Variants in ZNF283 observed in about 807,000 individuals in gnomAD.
ZNF283 encodes zinc finger protein 41.
In ZNF283, 10 loss-of-function variants were observed where a neutral mutation model predicts 9.2. The ratio of observed to expected loss-of-function variants is 1.09; its 90% CI spans 0.67 to 1.85. The LOEUF (loss-of-function observed/expected upper bound fraction) is 1.85. Ranked by LOEUF, ZNF283 falls within the 40% of genes most tolerant of loss-of-function variation. The pLI is 0.00. For synonymous variants in ZNF283, 234 were observed against 244.1 expected, an observed-to-expected ratio of 0.96 and a Z score of 0.38; for missense variants, 631 against 760.1, an observed-to-expected ratio of 0.83 and a Z score of 2.00.
intron 5 of ZNF283, 108 bp from the exon 6 acceptor site, chr19:43,836,945 A>T: frequency 8.0e-7 from 1 of 1,246,280 alleles, no homozygotes; most frequent in Non-Finnish European, 1.1e-6. Flanking sequence ...AGCCTACTCG[A>T]TTGTTATATT....
intron 1 of ZNF283, 80 bp downstream of exon 1, chr19:43,827,524 G>A (rs1970527069): frequency 6.8e-6 from 1 of 148,090 alleles, no homozygotes; most frequent in Non-Finnish European, 1.5e-5. Context: ...GGCCCGACTG[G>A]AACCGGCAGT....
At chr19:43,832,763 C>A (rs1302464244) in intron 3 of ZNF283, among the ~76,000 whole-genome samples, 1 of 151,994 alleles carries the variant, frequency 6.6e-6, no homozygotes, top group African/African-American at 2.4e-5. Context: ...CACCTGTAAT[C>A]CCAGCACTTT....
chr19:43,830,471 A>C (rs552408742), intron 2 of ZNF283, among the ~76,000 whole-genome samples: 1 of 152,264 alleles, frequency 6.6e-6, no homozygotes, highest in South Asian at 2.1e-4. Flanking sequence ...AATTTTTGTA[A>C]ATATGTGTAA....
chr19:43,848,348 G>T lies in ZNF283; in HGVS notation c.1747G>T (p.Gly583Cys). 2 of 1,613,850 alleles carry T rather than the reference G, an allele frequency of 1.2e-6. No homozygotes were observed. Among genetic ancestry groups the T allele is most frequent in the Non-Finnish European group, 1.7e-6 (2 of 1,179,886 alleles). ...CKECGKAFSW[G>C]SSLVKHERVH... ...GGAATGTGGGAAGGCCTTCAGTTGG[G>T]GTTCAAGCCTAGTTAAGCATGAGAG... is the stretch of plus-strand genomic sequence containing the variant. Residue 583 changes from glycine (G) to cysteine (C), a missense_variant, in exon 7 of 7, where the codon GGT (glycine) becomes TGT (cysteine). Around this residue, in one of 3 missense-constraint regions of ZNF283, gnomAD observed 444 missense variants for 522.5 expected, o/e 0.85. Coordinates refer to ENST00000618787, the MANE Select transcript of ZNF283 (RefSeq NM_181845.2).
chr19:43,830,362 G>A (rs1322117476), intron 2 of ZNF283, among the ~76,000 whole-genome samples: 1 of 152,148 alleles, frequency 6.6e-6, no homozygotes, highest in Non-Finnish European at 1.5e-5. Flanking sequence ...ACAGGCGTGA[G>A]CCACTGTGCC....
intron 6 of ZNF283, among the ~76,000 whole-genome samples, chr19:43,840,514 A>G (rs1971158445): frequency 6.6e-6 from 1 of 152,194 alleles, no homozygotes; most frequent in African/African-American, 2.4e-5. Flanking sequence ...CCAGGCACAT[A>G]GGCCTGTCAT....
chr19:43,844,131 A>G (rs1971318897), intron 6 of ZNF283, among the ~76,000 whole-genome samples: 1 of 152,194 alleles, frequency 6.6e-6, no homozygotes, highest in Non-Finnish European at 1.5e-5. Context: ...CAAATCATTT[A>G]TGTTAACAGT....
In ZNF283 at chr19:43,839,337, A is replaced by T. The variant is rs368564; in HGVS notation, c.337+2158A>T. Among the ~76,000 whole-genome samples, 1,257 of 151,640 alleles carry T rather than the reference A, an allele frequency of 8.3e-3. 14 individuals are homozygous for T. Among genetic ancestry groups the T allele is most frequent in the African/African-American group, 0.029 (1,202 of 41,326 alleles). On this transcript the variant is annotated intron_variant, in intron 6 of 6. Coordinates refer to ENST00000618787, the MANE Select transcript of ZNF283 (RefSeq NM_181845.2). Reference sequence around the variant, plus strand: ...TGTTAATCTTGTTGCAGATTCTTGTATGTGGTAGGCTGCTGCTTTCTTCCT... The same window carrying T: ...TGTTAATCTTGTTGCAGATTCTTGTTTGTGGTAGGCTGCTGCTTTCTTCCT...
chr19:43,847,721 C>A lies in ZNF283; in HGVS notation c.1120C>A (p.Pro374Thr). ...TCAGAAAATCCATACTGGTAAGAAACCTTATGAATGTAAAATATGTGGAAA... is the reference window on the plus strand; with the variant it reads ...TCAGAAAATCCATACTGGTAAGAAAACTTATGAATGTAAAATATGTGGAAA... The part of the protein sequence containing the change: ...QHQKIHTGKK[P>T]YECKICGKAF... Residue 374 changes from proline to threonine, a missense_variant, in exon 7 of 7, where the codon CCT becomes ACT. Around this residue, in one of 3 missense-constraint regions of ZNF283, gnomAD observed 444 missense variants for 522.5 expected, o/e 0.85. Transcript: ENST00000618787. 1 of 1,612,968 alleles carries A rather than the reference C, an allele frequency of 6.2e-7. No homozygotes were observed.
chr19:43,846,385 C>G (rs1303021924), intron 6 of ZNF283, among the ~76,000 whole-genome samples: 2 of 152,018 alleles, frequency 1.3e-5, no homozygotes, highest in Non-Finnish European at 2.9e-5. Context: ...GCAATGTTTG[C>G]TTTATCTCAG....
intron 6 of ZNF283, among the ~76,000 whole-genome samples, chr19:43,838,471 C>G (rs530550598): frequency 6.6e-6 from 1 of 152,014 alleles, no homozygotes; most frequent in African/African-American, 2.4e-5. Flanking sequence ...ACAAAAAATA[C>G]AAAAATATTT....
chr19:43,838,321 G>A (rs1018059458), intron 6 of ZNF283, among the ~76,000 whole-genome samples: 15 of 152,074 alleles, frequency 9.9e-5, no homozygotes, highest in African/African-American at 3.4e-4. Context: ...GAGGAACTTT[G>A]AAACTATTAA....
chr19:43,841,818 T>C (rs1971225704), intron 6 of ZNF283, among the ~76,000 whole-genome samples: 1 of 152,214 alleles, frequency 6.6e-6, no homozygotes, highest in Non-Finnish European at 1.5e-5. Flanking sequence ...GCTTCAAAAA[T>C]GTTCCATTAT....
intron 6 of ZNF283, 123 bp from the exon 7 acceptor site, chr19:43,846,816 T>G: frequency 1.5e-6 from 1 of 646,058 alleles, no homozygotes; most frequent in Non-Finnish European, 2.4e-6. Flanking sequence ...AACAAGGGAG[T>G]GCCTTAATGC....
chr19:43,842,691 T>C (rs1971262589), intron 6 of ZNF283, among the ~76,000 whole-genome samples: 1 of 152,200 alleles, frequency 6.6e-6, no homozygotes, highest in Non-Finnish European at 1.5e-5. Flanking sequence ...AAAAATATTC[T>C]CATAACAATA....
chr19:43,829,286 GAGGC>G (rs564272221), intron 2 of ZNF283, among the ~76,000 whole-genome samples: 65 of 152,320 alleles, frequency 4.3e-4, no homozygotes, highest in African/African-American at 1.6e-3. Context: ...TCGGGAGGCT[GAGGC>G]AGGAGAATGG....
Position 43,837,143 on chromosome 19 carries a change from G to C in ZNF283, c.301G>C (p.Val101Leu). ...TGCTCAGAGGGACTTGTACGTGGATGTAATGTTGGAGAACTATAGTAACTT... is the reference window on the plus strand; with the variant it reads ...TGCTCAGAGGGACTTGTACGTGGATCTAATGTTGGAGAACTATAGTAACTT... Reference protein sequence around the residue: ...DPAQRDLYVDVMLENYSNLVS... With the variant: ...DPAQRDLYVDLMLENYSNLVS... The change falls in exon 6 of 7, where the codon GTA (valine) becomes CTA (leucine). Residue 101 changes from valine to leucine, a missense_variant. Around this residue, in one of 3 missense-constraint regions of ZNF283, gnomAD observed 184 missense variants for 220.0 expected, o/e 0.84. Coordinates refer to ENST00000618787, the MANE Select transcript of ZNF283 (RefSeq NM_181845.2). 6.2e-7 allele frequency: 1 copy of C among 1,613,044 alleles called. No homozygotes were observed. Among genetic ancestry groups the C allele is most frequent in the Non-Finnish European group, 8.5e-7 (1 of 1,179,566 alleles).
intron 5 of ZNF283, among the ~76,000 whole-genome samples, chr19:43,836,560 C>T (rs1259677255): frequency 6.6e-6 from 1 of 152,162 alleles, no homozygotes; most frequent in African/African-American, 2.4e-5. Context: ...AGGCTGGTCT[C>T]GAACTCCTGA....
At chr19:43,835,468 G>A (rs747906692) in intron 4 of ZNF283, 37 bp from the exon 5 acceptor site, 1 of 1,411,290 alleles carries the variant, frequency 7.1e-7, no homozygotes, top group Non-Finnish European at 9.9e-7. Flanking sequence ...GGATCACTGA[G>A]GCACACCTGG....
Sources: allele counts gnomAD v4.1 joint callset (sites outside exome capture counted in the v4.1 genomes callset), GRCh38; gene constraint gnomAD v4.1.1; regional missense constraint gnomAD v4.1.1; transcripts MANE v1.5; gene names NCBI Gene and HGNC (gene_info 2026-07-23, HGNC 2026-07-21).